Variants in SPIN3 observed in about 807,000 individuals in gnomAD.
The protein encoded by SPIN3 is spindlin-3.
For synonymous variants in SPIN3, 74 were observed against 74.3 expected (o/e 1.00, Z 0.02); for missense variants, 176 against 196.4 (o/e 0.90, Z 0.62).
At position 56,992,713 on chromosome X, in the gene SPIN3, A is replaced by G. The variant is rs186230161; in HGVS notation, c.*1458T>C. 24 of 288,051 alleles carry G rather than the reference A, an allele frequency of 8.3e-5. 1 individual carries two copies. The Admixed American group carries it at 1.4e-3, about 17-fold the overall frequency. The allele number at this position is 288,051 out of a possible 1,213,427, so 23.7% of individuals were successfully genotyped here. On this transcript the variant is annotated 3_prime_UTR_variant, in exon 2 of 2. Transcript: ENST00000374919. ...TAATGGAGCTTCTGTGAGAACCTCA[A>G]TGAGAAAGCTTTGGTTTTGGCCAGG...
At chrX:56,984,618 C>T (rs1280926375) in intron 2 of SPIN3, 9 of 290,252 alleles carry the variant, frequency 3.1e-5, no homozygotes, top group African/African-American at 5.6e-5. Context: ...TTACCTCCTA[C>T]CTCACTGGTG....
chrX:56,978,686 TAGCACCACCAGA>T (rs1924054543), intron 3 of SPIN3: 1 of 111,314 alleles, frequency 9.0e-6, no homozygotes, highest in African/African-American at 3.3e-5. Context: ...GCCCAGGGTT[TAGCACCACCAGA>T]AGCAGGAACA....
intron 2 of SPIN3, among the ~76,000 whole-genome samples, chrX:56,985,447 T>G (rs1165340205): frequency 8.9e-6 from 1 of 112,194 alleles, no homozygotes; most frequent in Non-Finnish European, 1.9e-5. Context: ...AGTGTAGGGG[T>G]TGAAAGGCCT....
Position 56,994,295 on chromosome X carries a change from T to G in SPIN3, c.653A>C (p.Lys218Thr), listed in dbSNP as rs1924427527. The G allele has an allele frequency of 8.3e-7, 1 of 1,210,459 alleles. No homozygotes were observed. Among genetic ancestry groups the G allele is most frequent in the African/African-American group, 1.7e-5 (1 of 57,252 alleles). ...SLVGKQVEYAKDDGSKRTGMV... is the reference protein window; with the variant it reads ...SLVGKQVEYATDDGSKRTGMV... Reference sequence around the variant, plus strand: ...GCCAGTTCTCTTGGAGCCATCGTCTTTGGCGTATTCCACCTGTTTGCCTAC... The same window carrying G: ...GCCAGTTCTCTTGGAGCCATCGTCTGTGGCGTATTCCACCTGTTTGCCTAC... The change falls in exon 2 of 2, where the codon AAA (lysine) becomes ACA (threonine). Residue 218 changes from lysine (K) to threonine (T), a missense_variant. Lys to Thr is a moderately conservative substitution (Grantham distance 78). Transcript: ENST00000374919.
chrX:56,986,765 A>G (rs1924229809), downstream of SPIN3, among the ~76,000 whole-genome samples: 1 of 112,577 alleles, frequency 8.9e-6, no homozygotes, highest in East Asian at 2.8e-4. Context: ...GGGTAGAGGA[A>G]GAAATCTGCC....
At chrX:56,989,969 A>C (rs1924296067), downstream of SPIN3, among the ~76,000 whole-genome samples, 1 of 106,437 alleles carries the variant, frequency 9.4e-6, no homozygotes, top group Admixed American at 1.0e-4. Context: ...CCCTCCCCTC[A>C]CCCACCCTGT....
rs1222252877 is a variant in SPIN3, at chrX:56,993,531, GTCT to G, written c.*637_*639del. On this transcript the variant is annotated 3_prime_UTR_variant, in exon 2 of 2. Transcript: ENST00000374919. Reference sequence around the variant, plus strand: ...CTTGGAGTTTGGTCCCCAAATGCTTGTCTTCTTATCAGTTTTGCAAGGTTTCTC... The same window carrying G: ...CTTGGAGTTTGGTCCCCAAATGCTTGTCTTATCAGTTTTGCAAGGTTTCTC... The G allele has an allele frequency of 1.8e-5, 2 of 112,292 alleles. No individual in the cohort carries two copies. Among genetic ancestry groups the G allele is most frequent in the African/African-American group, 6.5e-5 (2 of 30,899 alleles). The allele number at this position is 112,292 out of a possible 1,213,427, so 9.3% of individuals were successfully genotyped here. A position where few individuals can be genotyped will look rare whatever the true frequency, so the allele number is the denominator to read the frequency against.
chrX:56,982,323 C>A (rs1260376277), intron 3 of SPIN3: 4 of 111,384 alleles, frequency 3.6e-5, no homozygotes, highest in Non-Finnish European at 7.5e-5. Context: ...AGTTCCAGCC[C>A]CACTGCTGAT....
intron 2 of SPIN3, among the ~76,000 whole-genome samples, chrX:56,985,722 G>A (rs772362426): frequency 8.9e-5 from 10 of 111,907 alleles, no homozygotes; most frequent in Non-Finnish European, 1.5e-4. Flanking sequence ...TCTTTACAAT[G>A]CCTTATATTA....
At chrX:56,989,984 G>C (rs1244343190), downstream of SPIN3, among the ~76,000 whole-genome samples, 1 of 109,077 alleles carries the variant, frequency 9.2e-6, no homozygotes, top group Non-Finnish European at 1.9e-5. Context: ...CCCTGTCCGT[G>C]GAAAAATTGT....
rs993835406 is a variant in SPIN3, at chrX:56,991,932, C to G, written c.*2239G>C. The stretch of plus-strand genomic sequence containing the variant: ...TCCCAAAGATAGCATTAAAATACTC[C>G]AAATAATACAATATCAACAACATAA... On this transcript the variant is annotated 3_prime_UTR_variant, in exon 2 of 2. Transcript: ENST00000374919. The G allele has an allele frequency of 3.5e-6, 1 of 284,249 alleles. No homozygotes were observed. The highest frequency in any genetic ancestry group is 6.3e-5 in the Admixed American group (1 of 15,873). The allele number at this position is 284,249 out of a possible 1,213,427, so 23.4% of individuals were successfully genotyped here.
intron 3 of SPIN3, chrX:56,984,120 C>T (rs1044631458): frequency 7.4e-6 from 1 of 135,132 alleles, no homozygotes; most frequent in Non-Finnish European, 1.5e-5. Flanking sequence ...AATTAGTCAA[C>T]TGAGCTTTGA....
intron 4 of SPIN3, chrX:56,978,443 AAAGG>A (rs1924049231): frequency 8.9e-6 from 1 of 112,293 alleles, no homozygotes; most frequent in Non-Finnish European, 1.9e-5. Flanking sequence ...TGAAGGCAGA[AAAGG>A]AAGACAGACA....
chrX:56,994,526 T>G lies in SPIN3; in HGVS notation c.422A>C (p.Glu141Ala), dbSNP rs751631176. The change falls in exon 2 of 2, where the codon GAA becomes GCA. Residue 141 changes from glutamate (E) to alanine (A), a missense_variant. Physicochemically the swap from Glu to Ala is moderately radical, Grantham distance 107. Coordinates refer to ENST00000374919, the MANE Select transcript of SPIN3 (RefSeq NM_001010862.3). ...KAVEHIFETE[E>A]GSKNEWRGMV... The stretch of plus-strand genomic sequence containing the variant: ...CCCCCTCCATTCATTTTTGGAACCT[T>G]CCTCTGTCTCAAAAATATGTTCCAC... 8.3e-7 allele frequency: 1 copy of G among 1,211,824 alleles called. No homozygotes were observed. The highest frequency in any genetic ancestry group is 3.0e-5 in the East Asian group (1 of 33,821).
downstream of SPIN3, chrX:56,975,443 G>T (rs1923985626): frequency 9.0e-6 from 1 of 111,501 alleles, no homozygotes; most frequent in African/African-American, 3.3e-5. Context: ...CATCCTGATG[G>T]TGCCTCCAGG....
chrX:56,986,270 G>A (rs1924219153), downstream of SPIN3, among the ~76,000 whole-genome samples: 1 of 111,582 alleles, frequency 9.0e-6, no homozygotes, highest in Non-Finnish European at 1.9e-5. Context: ...CAAAGTGTGT[G>A]TAAAAGAGGG....
chrX:56,995,260 T>C lies in SPIN3; in HGVS notation c.-47A>G, dbSNP rs1331538317. On this transcript the variant is annotated 5_prime_UTR_variant, in exon 1 of 2. Coordinates refer to ENST00000374919, the MANE Select transcript of SPIN3 (RefSeq NM_001010862.3). ...TCCCCACCGTCCCGGATTGCGGGCC[T>C]CAAGTGCACAAATCGGACACCTCGC... 3.7e-6 allele frequency: 1 copy of C among 272,815 alleles called. No individual in the cohort carries two copies. Among genetic ancestry groups the C allele is most frequent in the Non-Finnish European group, 6.5e-6 (1 of 154,633 alleles). 22.5% of individuals were successfully genotyped at this position (272,815 alleles called of 1,213,427 possible).
At chrX:56,987,389 A>G (rs953889694), downstream of SPIN3, among the ~76,000 whole-genome samples, 4 of 106,663 alleles carry the variant, frequency 3.8e-5, no homozygotes, top group Non-Finnish European at 7.7e-5. Context: ...TTCTTTAGTT[A>G]TTTGCTAATA....
In SPIN3 at chrX:56,991,992, C is replaced by A; in HGVS notation, c.*2179G>T. On this transcript the variant is annotated 3_prime_UTR_variant, in exon 2 of 2. Transcript: ENST00000374919. ...CTTAGTTTGAACTATATGACCTCAC[C>A]CCCACCCCATCAACTATTAAACTCC... 1 of 295,143 alleles carries A rather than the reference C, an allele frequency of 3.4e-6. No individual in the cohort carries two copies. The allele number at this position is 295,143 out of a possible 1,213,427, so 24.3% of individuals were successfully genotyped here.
Sources: allele counts gnomAD v4.1 joint callset (sites outside exome capture counted in the v4.1 genomes callset), GRCh38; gene constraint gnomAD v4.1.1; transcripts MANE v1.5; gene names NCBI Gene and HGNC (gene_info 2026-07-23, HGNC 2026-07-21).